The following AGL variants were observed in gnomAD, a reference collection of about 807,000 sequenced individuals.
The protein encoded by AGL is glycogen debranching enzyme.
AGL carries 128 observed loss-of-function variants against 199.3 expected under a neutral mutation model. The ratio of observed to expected loss-of-function variants is 0.64; its 90% confidence interval spans 0.56 to 0.74. The LOEUF is 0.74. AGL is among the 30% of genes least tolerant of loss of function. The pLI is 0.00. For synonymous variants in AGL, 584 were observed against 594.7 expected, an observed-to-expected ratio of 0.98 and a Z score of 0.26; for missense variants, 1,809 against 1,820.8, an observed-to-expected ratio of 0.99 and a Z score of 0.12.
At chr1:99,867,308 A>C (rs751137270) in intron 5 of AGL, among the ~76,000 whole-genome samples, 1 of 152,174 alleles carries the variant, frequency 6.6e-6, no homozygotes, top group Non-Finnish European at 1.5e-5. Context: ...GATCTACTAC[A>C]TCTTAGTAAG....
chr1:99,884,698 T>C lies in AGL; in HGVS notation c.2676T>C (p.Phe892=), dbSNP rs746885215. 1.2e-6 allele frequency: 2 copies of C among 1,613,948 alleles called. No individual in the cohort carries two copies. Among genetic ancestry groups the C allele is most frequent in the Admixed American group, 1.7e-5 (1 of 59,994 alleles). The change falls in exon 20 of 34, where the codon TTT becomes TTC. Residue 892 remains phenylalanine (F), a synonymous_variant. Transcript: ENST00000361915. Reference sequence around the variant, plus strand: ...CAGATCCTATATTAAAAATTCCTTTTGCTTCGTAAGTATGCCTTGTTTGGT... The same window carrying C: ...CAGATCCTATATTAAAAATTCCTTTCGCTTCGTAAGTATGCCTTGTTTGGT... ...DNADPILKIP[F]ASLASRLTLA...
At chr1:99,869,333 G>A (rs1427864775) in intron 5 of AGL, among the ~76,000 whole-genome samples, 1 of 151,866 alleles carries the variant, frequency 6.6e-6, no homozygotes, top group East Asian at 1.9e-4. Context: ...TGCTTATTAT[G>A]GGTATGAATA....
intron 21 of AGL, among the ~76,000 whole-genome samples, chr1:99,889,116 G>T (rs537180846): frequency 2.6e-5 from 4 of 152,174 alleles, no homozygotes; most frequent in Middle Eastern, 6.8e-3. Flanking sequence ...ACCTACCACA[G>T]GGATTATGGT....
chr1:99,850,423 C>T lies in AGL; in HGVS notation c.-69+8C>T, dbSNP rs1455049572. 2.0e-5 allele frequency: 3 copies of T among 153,436 alleles called. No individual in the cohort carries two copies. The highest frequency in any genetic ancestry group is 7.2e-5 in the African/African-American group (3 of 41,466). The allele number at this position is 153,436 out of a possible 1,614,324, so 9.5% of individuals were successfully genotyped here. ...ACGTATAACTCCCTCGGCGTAAGTG[C>T]TAGGAATGCCGCTGGCCTCGCGGGG... is the stretch of plus-strand genomic sequence containing the variant. On this transcript the variant is annotated splice_region_variant and intron_variant, in intron 1 of 33. Coordinates refer to ENST00000361915, the MANE Select transcript of AGL (RefSeq NM_000642.3).
At chr1:99,897,295 CT>C (rs1429294419) in intron 25 of AGL, among the ~76,000 whole-genome samples, 1 of 152,160 alleles carries the variant, frequency 6.6e-6, no homozygotes, top group African/African-American at 2.4e-5. Flanking sequence ...AAATCCAAAC[CT>C]GGACATAGAG....
At chr1:99,869,476 G>A (rs1264365233) in intron 5 of AGL, among the ~76,000 whole-genome samples, 1 of 152,184 alleles carries the variant, frequency 6.6e-6, no homozygotes, top group African/African-American at 2.4e-5. Context: ...GAGCAATGTG[G>A]TTAAGATTGC....
chr1:99,870,331 C>T, intron 5 of AGL, 69 bp from the exon 6 acceptor site: 1 of 1,494,018 alleles, frequency 6.7e-7, no homozygotes, highest in South Asian at 1.1e-5. Context: ...TATTTCACCT[C>T]TAAACTTAAC....
chr1:99,862,454 T>TA (rs759327133), intron 4 of AGL, 31 bp downstream of exon 4: 3 of 1,607,578 alleles, frequency 1.9e-6, no homozygotes, highest in African/African-American at 2.7e-5. Context: ...TTTTCTTATT[T>TA]AAAAAAATAA....
In AGL at chr1:99,923,320, G is replaced by A. The variant is rs943251598; in HGVS notation, c.*1669G>A. 6.6e-6 allele frequency: 1 copy of A among 152,096 alleles called. No individual in the cohort carries two copies. Among genetic ancestry groups the A allele is most frequent in the Admixed American group, 6.6e-5 (1 of 15,252 alleles). 9.4% of individuals were successfully genotyped at this position (152,096 alleles called of 1,614,324 possible). ...TGAGAGAACCATTAGTTTATCAAAG[G>A]TTTATGTAGTTTTGTTGCTGTACCC... On this transcript the variant is annotated 3_prime_UTR_variant, in exon 34 of 34. Coordinates refer to ENST00000361915, the MANE Select transcript of AGL (RefSeq NM_000642.3).
At chr1:99,862,153 T>G in intron 3 of AGL, 104 bp from the exon 4 acceptor site, 1 of 1,157,690 alleles carries the variant, frequency 8.6e-7, no homozygotes, top group Non-Finnish European at 1.3e-6. Context: ...AATAAATACA[T>G]TTTATTTGGG....
chr1:99,856,971 G>A (rs1226683295), intron 2 of AGL, among the ~76,000 whole-genome samples: 2 of 152,378 alleles, frequency 1.3e-5, no homozygotes, highest in African/African-American at 4.8e-5. Context: ...TCCCAGACGG[G>A]GTGGTGGCTA....
In AGL at chr1:99,884,441, A is replaced by G. The variant is rs768194045; in HGVS notation, c.2536A>G (p.Ile846Val). Residue 846 changes from isoleucine to valine, a missense_variant, in exon 19 of 34, where the codon ATT becomes GTT. By Grantham distance (29) the Ile-to-Val change is conservative. Transcript: ENST00000361915. The part of the protein sequence containing the change: ...EFENLSPGSV[I>V]IFRVSLDPHA... ...TGAAAACTTGTCTCCAGGAAGTGTTATTATATTCAGGTATGTTAATTGAGC... is the reference window on the plus strand; with the variant it reads ...TGAAAACTTGTCTCCAGGAAGTGTTGTTATATTCAGGTATGTTAATTGAGC... The G allele has an allele frequency of 2.2e-5, 35 of 1,610,810 alleles. No homozygotes were observed. The East Asian group carries it at 7.4e-4, about 34-fold the overall frequency.
intron 27 of AGL, among the ~76,000 whole-genome samples, chr1:99,905,275 C>T (rs893807140): frequency 2.0e-5 from 3 of 152,166 alleles, no homozygotes; most frequent in African/African-American, 7.2e-5. Flanking sequence ...CAGCTCACTG[C>T]AATCTCTGCC....
At position 99,872,261 on chromosome 1, in the gene AGL, A is replaced by G. The variant is rs1651079772; in HGVS notation, c.958+1392A>G. Reference sequence around the variant, plus strand: ...GAGGATTCAGTGGTAAACAGAACAAAGTCCTTTCCCTGGATAAACTTCCAG... The same window carrying G: ...GAGGATTCAGTGGTAAACAGAACAAGGTCCTTTCCCTGGATAAACTTCCAG... On this transcript the variant is annotated intron_variant, in intron 7 of 33. Transcript: ENST00000361915. 2.0e-5 allele frequency among the ~76,000 whole-genome samples: 3 copies of G among 152,288 alleles called. No individual in the cohort carries two copies. The South Asian group carries it at 6.2e-4, about 32-fold the overall frequency.
intron 27 of AGL, among the ~76,000 whole-genome samples, chr1:99,906,178 T>TG (rs1654276365): frequency 2.0e-5 from 3 of 152,178 alleles, no homozygotes; most frequent in African/African-American, 7.2e-5. Flanking sequence ...TCCTACTTTC[T>TG]GCCTCTATAA....
intron 30 of AGL, among the ~76,000 whole-genome samples, chr1:99,914,780 A>G (rs1298912551): frequency 6.6e-6 from 1 of 152,160 alleles, no homozygotes; most frequent in East Asian, 1.9e-4. Context: ...AGTTACATAA[A>G]TTTAAGTGTG....
At position 99,921,592 on chromosome 1, in the gene AGL, A is replaced by G; in HGVS notation, c.4540A>G (p.Ser1514Gly). ...TGAGAATGCCCAGTACTGTCCTTTC[A>G]GCTGTGAAACACAAGCCTGGTCAAT... ...TNENAQYCPFSCETQAWSIAT... is the reference protein window; with the variant it reads ...TNENAQYCPFGCETQAWSIAT... Residue 1514 changes from serine (S) to glycine (G), a missense_variant, in exon 34 of 34, where the codon AGC (serine) becomes GGC (glycine). Ser to Gly is a moderately conservative substitution (Grantham distance 56). Transcript: ENST00000361915. 6.2e-7 allele frequency: 1 copy of G among 1,613,224 alleles called. No homozygotes were observed. The highest frequency in any genetic ancestry group is 1.1e-5 in the South Asian group (1 of 91,042).
intron 3 of AGL, 89 bp from the exon 4 acceptor site, chr1:99,862,168 T>C: frequency 1.6e-6 from 2 of 1,265,868 alleles, no homozygotes; most frequent in East Asian, 2.3e-5. Context: ...TTTGGGACAA[T>C]TAACCTTTTA....
intron 5 of AGL, among the ~76,000 whole-genome samples, chr1:99,869,608 T>C (rs1166740615): frequency 6.6e-6 from 1 of 152,202 alleles, no homozygotes; most frequent in African/African-American, 2.4e-5. Context: ...TCCTAATTTG[T>C]GTGGTAGGAA....
Sources: gnomAD v4.1 joint callset for allele counts (sites outside exome capture counted in the v4.1 genomes callset) on GRCh38, gnomAD v4.1.1 for gene constraint, MANE v1.5 for transcripts, NCBI Gene and HGNC (gene_info 2026-07-23, HGNC 2026-07-21) for gene names.